Variants in ULK4 observed in about 807,000 individuals in gnomAD.
The protein encoded by ULK4 is unc-51 like kinase 4.
In ULK4, 133 loss-of-function variants were observed where a neutral mutation model predicts 160.6. The ratio of observed to expected loss-of-function variants is 0.83; its 90% CI spans 0.72 to 0.96. ULK4 has a LOEUF of 0.96. Ranked by LOEUF, ULK4 falls within the 40% of genes least tolerant of loss-of-function variation. ULK4 has a pLI of 0.00. For missense variants in ULK4, 1,580 were observed against 1,499.5 expected (o/e 1.05, Z -0.89); for synonymous variants, 534 against 539.8 (o/e 0.99, Z 0.15).
chr3:41,445,006 A>C (rs1204063942), intron 34 of ULK4, among the ~76,000 whole-genome samples: 1 of 152,204 alleles, frequency 6.6e-6, no homozygotes, highest in African/African-American at 2.4e-5. Flanking sequence ...CCTTAAGCTG[A>C]TAAGCAACCT....
chr3:41,789,812 G>C lies in ULK4; in HGVS notation c.2042C>G (p.Thr681Ser). The part of the protein sequence containing the change: ...ALCRITRHSP[T>S]AFQNVIEKVG... ...CTTTTCAATAACATTCTGGAAGGCA[G>C]TAGGAGAATGGCGAGTGATTCTACA... Residue 681 changes from threonine (T) to serine (S), a missense_variant, in exon 21 of 37, where the codon ACT (threonine) becomes AGT (serine). Coordinates refer to ENST00000301831, the MANE Select transcript of ULK4 (RefSeq NM_017886.4). The C allele has an allele frequency of 6.2e-7, 1 of 1,612,568 alleles. No homozygotes were observed. The highest frequency in any genetic ancestry group is 8.5e-7 in the Non-Finnish European group (1 of 1,179,414).
At chr3:41,401,076 T>C (rs1323814139) in intron 34 of ULK4, among the ~76,000 whole-genome samples, 1 of 152,132 alleles carries the variant, frequency 6.6e-6, no homozygotes, top group African/African-American at 2.4e-5. Flanking sequence ...TTTCTCCCAG[T>C]CTGTAGCTTG....
chr3:41,518,125 T>G (rs2085813244), intron 32 of ULK4, among the ~76,000 whole-genome samples: 1 of 152,148 alleles, frequency 6.6e-6, no homozygotes, highest in East Asian at 1.9e-4. Context: ...AAACTGTTAA[T>G]GGAAGGGGAG....
At chr3:41,342,769 C>G (rs2080714008) in intron 35 of ULK4, among the ~76,000 whole-genome samples, 1 of 152,120 alleles carries the variant, frequency 6.6e-6, no homozygotes, top group South Asian at 2.1e-4. Flanking sequence ...ATGTAAAAAT[C>G]CTCAATAAAA....
At chr3:41,822,998 AG>A (rs1179220135) in intron 18 of ULK4, among the ~76,000 whole-genome samples, 1 of 151,500 alleles carries the variant, frequency 6.6e-6, no homozygotes, top group African/African-American at 2.4e-5. Context: ...CTGGGATTAT[AG>A]GCATGAGCCA....
In ULK4 at chr3:41,512,052, A is replaced by C. The variant is rs540646714; in HGVS notation, c.3227-48799T>G. On this transcript the variant is annotated intron_variant, in intron 32 of 36. Coordinates refer to ENST00000301831, the MANE Select transcript of ULK4 (RefSeq NM_017886.4). ...ATCAGACTATCATCTCAATAGATGCAGAAAAAGCATATGACAAAATCCAGC... is the reference window on the plus strand; with the variant it reads ...ATCAGACTATCATCTCAATAGATGCCGAAAAAGCATATGACAAAATCCAGC... 3.3e-5 allele frequency among the ~76,000 whole-genome samples: 5 copies of C among 152,354 alleles called. No individual in the cohort carries two copies. In the South Asian group the frequency reaches 1.0e-3, roughly 32 times the overall value.
At chr3:41,948,739 C>T (rs1227913744) in intron 2 of ULK4, among the ~76,000 whole-genome samples, 1 of 98,858 alleles carries the variant, frequency 1.0e-5, no homozygotes, top group Non-Finnish European at 2.2e-5. Context: ...AAAAAAAAAA[C>T]TCCAAAAGCT....
intron 35 of ULK4, among the ~76,000 whole-genome samples, chr3:41,255,325 TA>T (rs1184125385): frequency 1.3e-5 from 2 of 151,340 alleles, no homozygotes; most frequent in African/African-American, 2.4e-5. Context: ...CTACTAAAAA[TA>T]AAAAAAATTA....
In ULK4 at chr3:41,739,192, TAA is replaced by T. The variant is rs759716316; in HGVS notation, c.2321+15167_2321+15168del. Among the ~76,000 whole-genome samples the T allele has an allele frequency of 1.1e-4, 17 of 151,928 alleles. No individual in the cohort carries two copies. In the East Asian group the frequency reaches 1.3e-3, roughly 12 times the overall value. On this transcript the variant is annotated intron_variant, in intron 22 of 36. Coordinates refer to ENST00000301831, the MANE Select transcript of ULK4 (RefSeq NM_017886.4). The stretch of plus-strand genomic sequence containing the variant: ...CCATCATCAAATGAGTCAATCAATA[TAA>T]GAGACTGAGTTTCAACATGTCAAAA...
chr3:41,508,190 C>T lies in ULK4; in HGVS notation c.3227-44937G>A, dbSNP rs530686523. Among the ~76,000 whole-genome samples the T allele has an allele frequency of 9.2e-5, 14 of 152,222 alleles. No individual in the cohort carries two copies. The East Asian group carries it at 1.4e-3, about 15-fold the overall frequency. ...TTTCTCCCACTTCCCTGGTGACCTGCGTGACTCAGCAGATGCAGCCGTAAT... is the reference window on the plus strand; with the variant it reads ...TTTCTCCCACTTCCCTGGTGACCTGTGTGACTCAGCAGATGCAGCCGTAAT... On this transcript the variant is annotated intron_variant, in intron 32 of 36. Coordinates refer to ENST00000301831, the MANE Select transcript of ULK4 (RefSeq NM_017886.4).
intron 21 of ULK4, among the ~76,000 whole-genome samples, chr3:41,773,013 T>C (rs955870851): frequency 6.6e-6 from 1 of 152,134 alleles, no homozygotes; most frequent in African/African-American, 2.4e-5. Flanking sequence ...TTTGACAAAA[T>C]TCAACAATCC....
chr3:41,295,961 A>G (rs2079660097), intron 35 of ULK4, among the ~76,000 whole-genome samples: 1 of 152,270 alleles, frequency 6.6e-6, no homozygotes, highest in Non-Finnish European at 1.5e-5. Context: ...AGAGGTTTAT[A>G]GCAGCTTTAC....
chr3:41,790,249 T>C (rs1463280010), intron 20 of ULK4, among the ~76,000 whole-genome samples: 1 of 152,246 alleles, frequency 6.6e-6, no homozygotes, highest in Non-Finnish European at 1.5e-5. Context: ...ATCTGAAGAT[T>C]ACCTCAATTA....
chr3:41,764,084 C>T (rs1240779413), intron 21 of ULK4, among the ~76,000 whole-genome samples: 1 of 152,120 alleles, frequency 6.6e-6, no homozygotes, highest in African/African-American at 2.4e-5. Flanking sequence ...CTATTTAAAT[C>T]TCCCTGACAA....
At chr3:41,960,542 T>C (rs1182147787) in intron 1 of ULK4, among the ~76,000 whole-genome samples, 1 of 151,990 alleles carries the variant, frequency 6.6e-6, no homozygotes, top group Non-Finnish European at 1.5e-5. Flanking sequence ...TTTTTGTGTT[T>C]TTGGTAGATA....
chr3:41,295,927 T>C lies in ULK4; in HGVS notation c.3679-46353A>G, dbSNP rs559828669. Among the ~76,000 whole-genome samples, 28 of 152,346 alleles carry C rather than the reference T, an allele frequency of 1.8e-4. No individual in the cohort carries two copies. In the East Asian group the frequency reaches 2.9e-3, roughly 16 times the overall value. On this transcript the variant is annotated intron_variant, in intron 35 of 36. Transcript: ENST00000301831. ...GGTATTTACTCAAAGTGAAAACTTA[T>C]GTCCACACAAAAGCTTACCCCACAG...
chr3:41,935,731 C>A, intron 4 of ULK4, 70 bp downstream of exon 4: 5 of 1,494,008 alleles, frequency 3.3e-6, no homozygotes, highest in East Asian at 2.4e-5. Flanking sequence ...CCAAAAATAA[C>A]AACATCTTTG....
At chr3:41,887,821 C>T (rs1361553418) in intron 16 of ULK4, among the ~76,000 whole-genome samples, 3 of 149,194 alleles carry the variant, frequency 2.0e-5, no homozygotes, top group Non-Finnish European at 4.4e-5. Context: ...AAGACTCCGT[C>T]TCAAAAAAAA....
At chr3:41,271,735 G>C (rs1429150093) in intron 35 of ULK4, among the ~76,000 whole-genome samples, 1 of 151,894 alleles carries the variant, frequency 6.6e-6, no homozygotes, top group African/African-American at 2.4e-5. Context: ...TCTATTGTTT[G>C]GATACATCAC....
Sources: allele counts gnomAD v4.1 joint callset (sites outside exome capture counted in the v4.1 genomes callset), GRCh38; gene constraint gnomAD v4.1.1; transcripts MANE v1.5; gene names NCBI Gene and HGNC (gene_info 2026-07-23, HGNC 2026-07-21).